Variants in ZNF148 observed in about 807,000 individuals in gnomAD.
The protein encoded by ZNF148 is Beta-Enolase Repressor Factor-1.
In ZNF148, 7 loss-of-function variants were observed where a neutral mutation model predicts 67.7. The ratio of observed to expected loss-of-function variants is 0.10; its 90% confidence interval spans 0.06 to 0.19. ZNF148 has a LOEUF of 0.19. Ranked by LOEUF, ZNF148 falls within the 10% of genes least tolerant of loss-of-function variation. ZNF148 has a pLI of 1.00. For missense variants in ZNF148, 583 were observed against 947.1 expected, an observed-to-expected ratio of 0.62 and a Z score of 5.05; for synonymous variants, 333 against 330.7, an observed-to-expected ratio of 1.01 and a Z score of -0.08.
At chr3:125,310,251 T>C (rs1003793040) in intron 4 of ZNF148, among the ~76,000 whole-genome samples, 6 of 152,026 alleles carry the variant, frequency 3.9e-5, no homozygotes, top group African/African-American at 1.2e-4. Flanking sequence ...GGCTAATTTT[T>C]GTATTTTTAG....
At chr3:125,287,855 A>G (rs554844917) in intron 5 of ZNF148, among the ~76,000 whole-genome samples, 2 of 152,204 alleles carry the variant, frequency 1.3e-5, no homozygotes, top group Non-Finnish European at 2.9e-5. Context: ...AAGAAAGGGC[A>G]ATGCATGCCA....
intron 4 of ZNF148, chr3:125,310,823 C>T (rs1940169421): frequency 6.1e-6 from 1 of 165,264 alleles, no homozygotes; most frequent in Non-Finnish European, 1.4e-5. Flanking sequence ...ATAGTTTGCA[C>T]TACTAAAATG....
At chr3:125,266,600 A>G (rs191750508) in intron 7 of ZNF148, among the ~76,000 whole-genome samples, 1 of 152,276 alleles carries the variant, frequency 6.6e-6, no homozygotes, top group Non-Finnish European at 1.5e-5. Flanking sequence ...TTATAGCACT[A>G]AACTCCCACA....
At chr3:125,315,282 C>T (rs1940430955) in intron 3 of ZNF148, among the ~76,000 whole-genome samples, 1 of 151,996 alleles carries the variant, frequency 6.6e-6, no homozygotes, top group African/African-American at 2.4e-5. Flanking sequence ...ACTCCATATC[C>T]TTAATATATT....
intron 7 of ZNF148, among the ~76,000 whole-genome samples, chr3:125,273,235 TCAGCTATTTAATA>T (rs904101638): frequency 7.2e-5 from 11 of 152,300 alleles, no homozygotes; most frequent in Admixed American, 2.0e-4. Flanking sequence ...CTGTTATTAT[TCAGCTATTTAATA>T]CAGCTATTTA....
chr3:125,248,845 C>T (rs959962474), intron 7 of ZNF148, among the ~76,000 whole-genome samples: 8 of 152,124 alleles, frequency 5.3e-5, no homozygotes, highest in African/African-American at 1.9e-4. Context: ...AATTAAATAT[C>T]TAAAAAGAAT....
intron 1 of ZNF148, among the ~76,000 whole-genome samples, chr3:125,337,394 A>C (rs1284479675): frequency 6.6e-6 from 1 of 152,258 alleles, no homozygotes; most frequent in Non-Finnish European, 1.5e-5. Flanking sequence ...AACCTATCAC[A>C]GTGAGGATGC....
At chr3:125,360,185 T>C (rs1216043368) in intron 1 of ZNF148, among the ~76,000 whole-genome samples, 2 of 152,182 alleles carry the variant, frequency 1.3e-5, no homozygotes, top group East Asian at 3.8e-4. Context: ...TTCCAGTCCA[T>C]CTATTTACCA....
At chr3:125,287,178 C>A (rs1374969482) in intron 5 of ZNF148, among the ~76,000 whole-genome samples, 1 of 151,902 alleles carries the variant, frequency 6.6e-6, no homozygotes, top group Non-Finnish European at 1.5e-5. Flanking sequence ...AAAAAGCCAT[C>A]AAAAAAATCA....
chr3:125,303,318 A>G (rs915440331), intron 4 of ZNF148, among the ~76,000 whole-genome samples: 1 of 152,194 alleles, frequency 6.6e-6, no homozygotes, highest in African/African-American at 2.4e-5. Flanking sequence ...ACAAATCTAC[A>G]CATGCTGCAA....
chr3:125,369,308 C>A (rs1246527317), intron 1 of ZNF148, among the ~76,000 whole-genome samples: 5 of 45,970 alleles, frequency 1.1e-4, no homozygotes, highest in Admixed American at 2.5e-4. Flanking sequence ...CTAGAAAGAA[C>A]ATTCTAGGGT....
At chr3:125,255,786 A>C (rs1366267798) in intron 7 of ZNF148, among the ~76,000 whole-genome samples, 1 of 151,748 alleles carries the variant, frequency 6.6e-6, no homozygotes, top group African/African-American at 2.4e-5. Flanking sequence ...CTGACATTCC[A>C]TTTTTTTCAT....
At chr3:125,307,494 C>T (rs1044291281) in intron 4 of ZNF148, among the ~76,000 whole-genome samples, 8 of 152,060 alleles carry the variant, frequency 5.3e-5, no homozygotes, top group Admixed American at 1.3e-4. Context: ...TTAGTTGAGA[C>T]GGGGTTTCAC....
chr3:125,354,953 G>C (rs1039503774), intron 1 of ZNF148, among the ~76,000 whole-genome samples: 23 of 152,124 alleles, frequency 1.5e-4, no homozygotes, highest in African/African-American at 5.6e-4. Flanking sequence ...TCAAGCAAAA[G>C]TGATGCCACA....
chr3:125,371,424 T>G (rs999130538), intron 1 of ZNF148, among the ~76,000 whole-genome samples: 1 of 145,100 alleles, frequency 6.9e-6, no homozygotes, highest in African/African-American at 2.6e-5. Context: ...CCCAGCATTT[T>G]GGGAAGCCGA....
At chr3:125,352,675 A>G (rs1942197131) in intron 1 of ZNF148, among the ~76,000 whole-genome samples, 1 of 152,124 alleles carries the variant, frequency 6.6e-6, no homozygotes, top group Admixed American at 6.5e-5. Context: ...AAAAAAAAAA[A>G]AAAAAGATCT....
At chr3:125,263,637 G>A (rs1053006244) in intron 7 of ZNF148, among the ~76,000 whole-genome samples, 1 of 152,002 alleles carries the variant, frequency 6.6e-6, no homozygotes, top group African/African-American at 2.4e-5. Flanking sequence ...CTGAGTGATC[G>A]GGGTGATAAA....
At chr3:125,294,244 G>C (rs577235595) in intron 4 of ZNF148, among the ~76,000 whole-genome samples, 1 of 152,268 alleles carries the variant, frequency 6.6e-6, no homozygotes, top group African/African-American at 2.4e-5. Context: ...AAACAGATTG[G>C]AGGTGGCTAA....
intron 1 of ZNF148, among the ~76,000 whole-genome samples, chr3:125,361,378 A>T (rs1942537607): frequency 6.6e-6 from 1 of 151,850 alleles, no homozygotes; most frequent in South Asian, 2.1e-4. Context: ...TATTTCCCCT[A>T]CCCAATAACT....
Sources: allele counts gnomAD v4.1 joint callset (sites outside exome capture counted in the v4.1 genomes callset), GRCh38; gene constraint gnomAD v4.1.1; transcripts MANE v1.5; gene names NCBI Gene and HGNC (gene_info 2026-07-23, HGNC 2026-07-21).